Variants in DNER observed in about 807,000 individuals in gnomAD.
DNER encodes the protein delta and Notch-like epidermal growth factor-related receptor.
DNER carries 33 observed loss-of-function variants against 78.2 expected under a neutral mutation model. The observed-to-expected ratio is 0.42, with a 90% CI of 0.32 to 0.56. The LOEUF (loss-of-function observed/expected upper bound fraction) is 0.56. Among genes scored for constraint, DNER ranks in the 20% least tolerant of loss-of-function variants. DNER has a pLI of 0.11. For synonymous variants in DNER, 417 were observed against 384.8 expected (o/e 1.08, Z -0.98); for missense variants, 918 against 975.3 (o/e 0.94, Z 0.78).
At chr2:229,698,210 C>G (rs752965839) in intron 1 of DNER, among the ~76,000 whole-genome samples, 2 of 151,950 alleles carry the variant, frequency 1.3e-5, no homozygotes, top group Non-Finnish European at 2.9e-5. Flanking sequence ...GACTCTGTGT[C>G]TCTAAAAGAA....
intron 8 of DNER, among the ~76,000 whole-genome samples, chr2:229,442,623 G>A (rs1362538296): frequency 1.3e-5 from 2 of 152,218 alleles, no homozygotes; most frequent in East Asian, 3.9e-4. Context: ...AAGGCACATG[G>A]GCCTTAGTGA....
At chr2:229,682,387 A>T (rs1699401440) in intron 1 of DNER, among the ~76,000 whole-genome samples, 1 of 152,218 alleles carries the variant, frequency 6.6e-6, no homozygotes, top group South Asian at 2.1e-4. Context: ...TTGCCTAGTA[A>T]GTTTGCTTCT....
intron 7 of DNER, among the ~76,000 whole-genome samples, chr2:229,464,712 G>A (rs1028798823): frequency 6.6e-6 from 1 of 152,110 alleles, no homozygotes; most frequent in Non-Finnish European, 1.5e-5. Flanking sequence ...CTCAGTCAGG[G>A]CTACAGGTTA....
intron 4 of DNER, among the ~76,000 whole-genome samples, chr2:229,561,419 A>T (rs1696957918): frequency 6.6e-6 from 1 of 152,194 alleles, no homozygotes; most frequent in Non-Finnish European, 1.5e-5. Flanking sequence ...AACAAACCTT[A>T]CTGTCAAATA....
At chr2:229,516,695 C>T (rs1025496757) in intron 5 of DNER, among the ~76,000 whole-genome samples, 17 of 149,656 alleles carry the variant, frequency 1.1e-4, no homozygotes, top group African/African-American at 3.9e-4. Context: ...TGAGGGAAGA[C>T]GACTGCATGA....
intron 1 of DNER, among the ~76,000 whole-genome samples, chr2:229,697,018 C>T (rs1381513028): frequency 1.3e-5 from 2 of 152,170 alleles, no homozygotes; most frequent in Non-Finnish European, 2.9e-5. Flanking sequence ...GAATTAAAAA[C>T]TGAGACTCAA....
chr2:229,692,614 T>A (rs1245114093), intron 1 of DNER, among the ~76,000 whole-genome samples: 2 of 152,224 alleles, frequency 1.3e-5, no homozygotes, highest in Non-Finnish European at 2.9e-5. Flanking sequence ...GGCAAAAGCA[T>A]TAAGCCATGC....
At chr2:229,565,205 G>A (rs1481353026) in intron 4 of DNER, among the ~76,000 whole-genome samples, 2 of 152,172 alleles carry the variant, frequency 1.3e-5, no homozygotes, top group African/African-American at 2.4e-5. Flanking sequence ...TTTGCTCCCT[G>A]AGAAAACAGC....
chr2:229,563,390 CCAT>C (rs771238879), intron 4 of DNER, among the ~76,000 whole-genome samples: 29 of 140,162 alleles, frequency 2.1e-4, no homozygotes, highest in East Asian at 1.5e-3. Flanking sequence ...CACCCCATCA[CCAT>C]CATCATCATC....
intron 1 of DNER, among the ~76,000 whole-genome samples, chr2:229,706,308 T>C (rs1699825232): frequency 6.7e-6 from 1 of 149,804 alleles, no homozygotes; most frequent in South Asian, 2.1e-4. Context: ...TCCAACACAC[T>C]GGGAGGCTGA....
In DNER at chr2:229,591,920, C is replaced by G. The variant is rs1248737322; in HGVS notation, c.277-32G>C. On this transcript the variant is annotated intron_variant, in intron 1 of 12. Coordinates refer to ENST00000341772, the MANE Select transcript of DNER (RefSeq NM_139072.4). The surrounding 1 kb of genome is among the most constrained non-coding windows in gnomAD (Gnocchi z 4.6). ...CGAGACCATAAATGGGTCAATTATT[C>G]CCTCATAAGAAAAGTGGTGCCATCG... The G allele has an allele frequency of 6.8e-7, 1 of 1,471,868 alleles. No homozygotes were observed. The highest frequency in any genetic ancestry group is 9.0e-7 in the Non-Finnish European group (1 of 1,114,740). 91.2% of individuals were successfully genotyped at this position (1,471,868 alleles called of 1,614,324 possible).
At chr2:229,527,673 A>G (rs1696233669) in intron 5 of DNER, among the ~76,000 whole-genome samples, 1 of 152,200 alleles carries the variant, frequency 6.6e-6, no homozygotes, top group African/African-American at 2.4e-5. Context: ...TGTTTGAGTT[A>G]CTTCTATTTT....
chr2:229,676,719 G>A (rs561517260), intron 1 of DNER, among the ~76,000 whole-genome samples: 2 of 152,218 alleles, frequency 1.3e-5, no homozygotes, highest in Non-Finnish European at 2.9e-5. Flanking sequence ...CTAGGGGCAG[G>A]AAACAGGGCT....
intron 1 of DNER, among the ~76,000 whole-genome samples, chr2:229,605,193 G>T (rs1378492636): frequency 6.6e-6 from 1 of 152,156 alleles, no homozygotes; most frequent in East Asian, 1.9e-4. Flanking sequence ...CTACCAACTA[G>T]AAACAGTCAT....
At chr2:229,456,830 C>A (rs1026586175) in intron 7 of DNER, among the ~76,000 whole-genome samples, 1 of 151,744 alleles carries the variant, frequency 6.6e-6, no homozygotes, top group African/African-American at 2.4e-5. Flanking sequence ...CTCAGTGAAC[C>A]CCAGGGAGAA....
chr2:229,509,034 T>C (rs1369778233), intron 6 of DNER, among the ~76,000 whole-genome samples: 1 of 152,220 alleles, frequency 6.6e-6, no homozygotes, highest in Non-Finnish European at 1.5e-5. Context: ...ATAAGGTTAG[T>C]TGTCAGAAAC....
chr2:229,365,411 T>C (rs756454879), intron 12 of DNER, among the ~76,000 whole-genome samples: 2 of 152,162 alleles, frequency 1.3e-5, no homozygotes, highest in South Asian at 4.1e-4. Flanking sequence ...GATGTGGATA[T>C]GTGCTGTTGA....
intron 1 of DNER, among the ~76,000 whole-genome samples, chr2:229,697,385 T>A (rs1574571518): frequency 6.6e-6 from 1 of 152,224 alleles, no homozygotes; most frequent in Admixed American, 6.5e-5. Flanking sequence ...GGATACAGTG[T>A]TTCCTTTTGG....
At chr2:229,681,111 C>G (rs1371394030) in intron 1 of DNER, among the ~76,000 whole-genome samples, 1 of 152,194 alleles carries the variant, frequency 6.6e-6, no homozygotes, top group Admixed American at 6.5e-5. Flanking sequence ...GTAGACTCTG[C>G]CAATTTTCAT....
Sources: gnomAD v4.1 joint callset for allele counts (sites outside exome capture counted in the v4.1 genomes callset) on GRCh38, gnomAD v4.1.1 for gene constraint, Gnocchi (gnomAD v3.1) non-coding constraint, MANE v1.5 for transcripts, NCBI Gene and HGNC (gene_info 2026-07-23, HGNC 2026-07-21) for gene names.